The following TMEM131 variants were observed in gnomAD, a reference collection of about 807,000 sequenced individuals.
TMEM131 encodes the protein transmembrane protein 131.
In TMEM131, 66 loss-of-function variants were observed where a neutral mutation model predicts 211.6. The ratio of observed to expected loss-of-function variants is 0.31; its 90% CI spans 0.26 to 0.38. The LOEUF (loss-of-function observed/expected upper bound fraction) is 0.38. Ranked by LOEUF, TMEM131 falls within the 10% of genes least tolerant of loss-of-function variation. The probability of loss-of-function intolerance (pLI) is 1.00; values close to 1 mark genes in which losing one functional copy is unlikely to be tolerated. For missense variants in TMEM131, 2,036 were observed against 2,299.3 expected (o/e 0.89, Z 2.34); for synonymous variants, 844 against 841.3 (o/e 1.00, Z -0.06).
intron 1 of TMEM131, among the ~76,000 whole-genome samples, chr2:97,966,246 A>C (rs1679051986): frequency 6.6e-6 from 1 of 151,964 alleles, no homozygotes; most frequent in Non-Finnish European, 1.5e-5. Context: ...GCAGTAGTTA[A>C]ACCAGCAAGG....
Position 97,854,626 on chromosome 2 carries a change from T to C in TMEM131, c.483+4678A>G, listed in dbSNP as rs571292743. Among the ~76,000 whole-genome samples, 4 of 152,304 alleles carry C rather than the reference T, an allele frequency of 2.6e-5. No homozygotes were observed. The East Asian group carries it at 5.8e-4, about 22-fold the overall frequency. ...CTCTGTTCAAAACCCTTTGATGGCT[T>C]TCCACATCATTCAGGAAAAAGAGTC... is the stretch of plus-strand genomic sequence containing the variant. On this transcript the variant is annotated intron_variant, in intron 5 of 40. Transcript: ENST00000186436.
At chr2:97,871,566 T>C (rs181261362) in intron 4 of TMEM131, among the ~76,000 whole-genome samples, 2 of 152,274 alleles carry the variant, frequency 1.3e-5, no homozygotes, top group Admixed American at 6.5e-5. Context: ...CTTTCAGATG[T>C]TTGCATTTCT....
chr2:97,865,826 G>A (rs1246159531), intron 4 of TMEM131, among the ~76,000 whole-genome samples: 2 of 152,160 alleles, frequency 1.3e-5, no homozygotes, highest in African/African-American at 4.8e-5. Flanking sequence ...TTCTTTGATT[G>A]TTTCATAGAA....
chr2:97,932,456 A>G (rs758344904), intron 1 of TMEM131, among the ~76,000 whole-genome samples: 18 of 152,194 alleles, frequency 1.2e-4, no homozygotes, highest in Non-Finnish European at 1.2e-4. Flanking sequence ...CAATATCATC[A>G]ACTTCCTAAA....
chr2:97,805,465 C>A lies in TMEM131; in HGVS notation c.2209-14G>T. The A allele has an allele frequency of 2.5e-6, 4 of 1,613,902 alleles. No homozygotes were observed. Among genetic ancestry groups the A allele is most frequent in the Non-Finnish European group, 3.4e-6 (4 of 1,179,832 alleles). ...AATGTTTGCAATCTATAAAGAGGCA[C>A]AGGAGAACCATGAATCCCAAATCCA... On this transcript the variant is annotated splice_polypyrimidine_tract_variant and intron_variant, in intron 20 of 40. Transcript: ENST00000186436.
At chr2:97,951,707 G>A (rs1053016919) in intron 1 of TMEM131, among the ~76,000 whole-genome samples, 19 of 152,024 alleles carry the variant, frequency 1.2e-4, no homozygotes, top group Admixed American at 7.9e-4. Context: ...ACACAAACAC[G>A]CATACACACC....
chr2:97,944,190 G>T (rs955051055), intron 1 of TMEM131, among the ~76,000 whole-genome samples: 3 of 152,096 alleles, frequency 2.0e-5, no homozygotes, highest in Non-Finnish European at 4.4e-5. Flanking sequence ...ATTGATTTCG[G>T]CACTCAATTG....
chr2:97,867,234 T>C (rs1674310193), intron 4 of TMEM131, among the ~76,000 whole-genome samples: 1 of 152,198 alleles, frequency 6.6e-6, no homozygotes, highest in Non-Finnish European at 1.5e-5. Context: ...TTCTATATCT[T>C]TATCTTCTGC....
intron 11 of TMEM131, among the ~76,000 whole-genome samples, chr2:97,832,635 G>T (rs1390857798): frequency 6.6e-6 from 1 of 152,202 alleles, no homozygotes; most frequent in Non-Finnish European, 1.5e-5. Flanking sequence ...TCAGTTCACT[G>T]AAGTTAAGTT....
intron 2 of TMEM131, among the ~76,000 whole-genome samples, chr2:97,926,056 G>A (rs1218521514): frequency 1.3e-5 from 2 of 151,312 alleles, no homozygotes; most frequent in East Asian, 1.9e-4. Context: ...AGCTTGTGGT[G>A]AGCCGAGATC....
rs188664191 is a variant in TMEM131, at chr2:97,826,810, A to G, written c.1074+6555T>C. Among the ~76,000 whole-genome samples, 640 of 152,342 alleles carry G rather than the reference A, an allele frequency of 4.2e-3. 3 individuals carry two copies. The Middle Eastern group carries it at 0.054, about 13-fold the overall frequency. On this transcript the variant is annotated intron_variant, in intron 11 of 40. Coordinates refer to ENST00000186436, the MANE Select transcript of TMEM131 (RefSeq NM_015348.2). ...AATTGAAGGTCTTCTCTGTAACCCT[A>G]TAACACTCCAATACCACCTTGCTGT...
chr2:97,759,282 C>A, intron 39 of TMEM131: 1 of 581,460 alleles, frequency 1.7e-6, no homozygotes, highest in South Asian at 2.1e-5. Flanking sequence ...TGCAAACTTT[C>A]CCCACTCTCA....
intron 1 of TMEM131, among the ~76,000 whole-genome samples, chr2:97,967,619 T>C (rs1458370292): frequency 2.0e-5 from 3 of 152,006 alleles, no homozygotes; most frequent in African/African-American, 4.8e-5. Context: ...AACGGTGCAA[T>C]GGAAAATTTT....
intron 4 of TMEM131, among the ~76,000 whole-genome samples, chr2:97,860,962 CAG>C (rs1302976358): frequency 2.6e-5 from 4 of 152,130 alleles, no homozygotes; most frequent in Admixed American, 6.5e-5. Flanking sequence ...CCAAGTGGCA[CAG>C]AGAGAGAGTC....
At chr2:97,762,362 A>G in intron 35 of TMEM131, 162 bp from the exon 36 acceptor site, 1 of 659,736 alleles carries the variant, frequency 1.5e-6, no homozygotes, top group Non-Finnish European at 2.5e-6. Context: ...TTTAAAGAGA[A>G]AGCAGCCACA....
chr2:97,764,712 T>C (rs573442827), intron 35 of TMEM131: 5 of 152,546 alleles, frequency 3.3e-5, no homozygotes, highest in African/African-American at 1.2e-4. Flanking sequence ...ATTTCCCACA[T>C]TCCTGCCCCG....
In TMEM131 at chr2:97,908,683, C is replaced by T; in HGVS notation, c.265G>A (p.Gly89Arg). The T allele has an allele frequency of 6.2e-7, 1 of 1,604,272 alleles. No individual in the cohort carries two copies. The highest frequency in any genetic ancestry group is 8.5e-7 in the Non-Finnish European group (1 of 1,173,188). ...CTTTTCTGCTGATATGAACTGAGTC[C>T]AAGTGTTGTCTCGGTCTGTAAAAGG... ...GGLLQTETTL[G>R]LSSYQQKSIS... The change falls in exon 3 of 41, where the codon GGA (glycine) becomes AGA (arginine). Residue 89 changes from glycine (G) to arginine (R), a missense_variant. Gly to Arg is a moderately radical substitution (Grantham distance 125, BLOSUM62 -2). This residue lies in a region of TMEM131 where 277 missense variants were observed against 378.0 expected (regional missense o/e 0.73). Transcript: ENST00000186436.
intron 2 of TMEM131, among the ~76,000 whole-genome samples, chr2:97,922,086 C>T (rs527548358): frequency 2.2e-4 from 33 of 152,238 alleles, no homozygotes; most frequent in Admixed American, 1.2e-3. Context: ...GGGGGGTTAG[C>T]GGGATGGTTT....
intron 7 of TMEM131, among the ~76,000 whole-genome samples, chr2:97,838,537 T>C (rs546715360): frequency 4.9e-5 from 7 of 144,130 alleles, no homozygotes; most frequent in African/African-American, 1.8e-4. Context: ...CTCTGCCTCC[T>C]GGGTTCAAGT....
Sources: allele counts gnomAD v4.1 joint callset (sites outside exome capture counted in the v4.1 genomes callset), GRCh38; gene constraint gnomAD v4.1.1; regional missense constraint gnomAD v4.1.1; transcripts MANE v1.5; gene names NCBI Gene and HGNC (gene_info 2026-07-23, HGNC 2026-07-21).